Variants in USP54 observed in about 807,000 individuals in gnomAD.
USP54 encodes the protein ubiquitin carboxyl-terminal hydrolase 54.
USP54 carries 87 observed loss-of-function variants against 170.5 expected under a neutral mutation model. The ratio of observed to expected loss-of-function variants is 0.51; its 90% CI spans 0.43 to 0.61. The LOEUF (loss-of-function observed/expected upper bound fraction) is 0.61, where lower values mean the gene tolerates loss of function less well. Ranked by LOEUF, USP54 falls within the 20% of genes least tolerant of loss-of-function variation. USP54 has a pLI of 0.00. For synonymous variants in USP54, 655 were observed against 742.8 expected (o/e 0.88, Z 1.92); for missense variants, 1,786 against 2,047.8 (o/e 0.87, Z 2.47).
rs1207752649 is a variant in USP54 at position 73,609,860 on chromosome 10, A to T, written c.-18+15707T>A. ...TCCGTCACAAAAAAAAAAAAAAAAA[A>T]TTAGCTGGGTGTGGTGGCGTGCGCC... On this transcript the variant is annotated intron_variant, in intron 1 of 22. Transcript: ENST00000339859. Among the ~76,000 whole-genome samples the T allele has an allele frequency of 4.7e-5, 7 of 149,870 alleles. No homozygotes were observed. In the East Asian group the frequency reaches 1.2e-3, roughly 26 times the overall value.
chr10:73,549,244 C>G (rs965797031), intron 4 of USP54, among the ~76,000 whole-genome samples: 3 of 152,192 alleles, frequency 2.0e-5, no homozygotes. Flanking sequence ...GTGGTCTCAT[C>G]TAACATGGTT....
At chr10:73,506,497 T>A (rs2059152784) in intron 20 of USP54, 2 of 152,320 alleles carry the variant, frequency 1.3e-5, no homozygotes, top group East Asian at 1.9e-4. Context: ...CATATGTCCA[T>A]GGCCAATTCA....
At chr10:73,579,779 CA>C (rs77144291) in intron 1 of USP54, among the ~76,000 whole-genome samples, 5 of 148,696 alleles carry the variant, frequency 3.4e-5, no homozygotes, top group South Asian at 2.1e-4. Flanking sequence ...ACAACAACAA[CA>C]AAAAAAAACT....
rs1342973006 is a variant in USP54, at chr10:73,497,920, GAGT to G, written c.*706_*708del. Reference sequence around the variant, plus strand: ...AATAGGGATAGGTGGATAAAACAAAGAGTAGAAGTTGGGAGTATAGTAGGGAAC... The same window carrying G: ...AATAGGGATAGGTGGATAAAACAAAGAGAAGTTGGGAGTATAGTAGGGAAC... On this transcript the variant is annotated 3_prime_UTR_variant, in exon 24 of 24. Transcript: ENST00000687698. 1 of 152,308 alleles carries G rather than the reference GAGT, an allele frequency of 6.6e-6. No individual in the cohort carries two copies. Among genetic ancestry groups the G allele is most frequent in the Non-Finnish European group, 1.5e-5 (1 of 68,076 alleles). The allele number at this position is 152,308 out of a possible 1,614,324, so 9.4% of individuals were successfully genotyped here. A position where few individuals can be genotyped will look rare whatever the true frequency, so the allele number is the denominator to read the frequency against.
At position 73,516,665 on chromosome 10, in the gene USP54, A is replaced by T. The variant is rs1182729940; in HGVS notation, c.3761T>A (p.Leu1254Ter). 6 of 1,614,096 alleles carry T rather than the reference A, an allele frequency of 3.7e-6. No individual in the cohort carries two copies. The African/African-American group carries it at 8.0e-5, about 22-fold the overall frequency. Residue 1254 changes from leucine (L) to a stop codon, truncating the protein, a stop_gained, in exon 20 of 24, where the codon TTG (leucine) becomes TAG (stop). Coordinates refer to ENST00000687698, the MANE Select transcript of USP54 (RefSeq NM_001391956.1). LOFTEE classifies it high-confidence loss of function. ...GGAATCCAAAGGCAAGGAAGTCCCC[A>T]AGTCAGTACTGCTGCCCAGATCCTT... ...RSKDLGSSTDLGTSLPLDSWV... is the reference protein window; with the variant it reads ...RSKDLGSSTD
rs1341981263 is a variant in USP54, at chr10:73,534,772, T to A, written c.1145-2A>T. 1 of 1,613,012 alleles carries A rather than the reference T, an allele frequency of 6.2e-7. No homozygotes were observed. The highest frequency in any genetic ancestry group is 1.3e-5 in the African/African-American group (1 of 74,838). The stretch of plus-strand genomic sequence containing the variant: ...CACTTGAGATGGAGGGCTCCCTCCC[T>A]GAGAGGAGGAGGAAACACATATGCA... On this transcript the variant is annotated splice_acceptor_variant, in intron 11 of 23. Coordinates refer to ENST00000687698, the MANE Select transcript of USP54 (RefSeq NM_001391956.1). LOFTEE classifies it high-confidence loss of function.
At chr10:73,563,267 T>C (rs1169613573) in intron 4 of USP54, among the ~76,000 whole-genome samples, 1 of 151,872 alleles carries the variant, frequency 6.6e-6, no homozygotes, top group Non-Finnish European at 1.5e-5. Flanking sequence ...AACAATTTTA[T>C]CAGATTTTTA....
chr10:73,539,525 G>GT lies in USP54; in HGVS notation c.893dup (p.Tyr298Ter). ...SELYLVGMICYYGKHYSTFFF... is the reference protein window; with the variant it reads ...SELYLVGMIC ...AGAATGTAGAATAATGTTTGCCATA[G>GT]TAACAGATCATTCCAACTAAGTACA... Residue 298 changes from tyrosine to a stop codon, truncating the protein, a stop_gained and frameshift_variant, in exon 10 of 24, where the codon TAC becomes TAAC. Transcript: ENST00000687698. LOFTEE classifies it high-confidence loss of function. 1.2e-6 allele frequency: 2 copies of GT among 1,612,134 alleles called. No homozygotes were observed. Among genetic ancestry groups the GT allele is most frequent in the Non-Finnish European group, 1.7e-6 (2 of 1,178,722 alleles).
intron 4 of USP54, among the ~76,000 whole-genome samples, 197 bp from the exon 5 acceptor site, chr10:73,545,869 G>A (rs959029850): frequency 5.3e-5 from 8 of 152,160 alleles, no homozygotes; most frequent in Non-Finnish European, 8.8e-5. Flanking sequence ...TGCTAATAAA[G>A]ATCCTCACTC....
At position 73,571,508 on chromosome 10, in the gene USP54, CA is replaced by C; in HGVS notation, c.152del (p.Leu51CysfsTer79). ...TACGTCGGAAGATATCCAAGTGCCA[CA>C]AAACCTGATGAGAAAAGGAAAATAT... Reference protein sequence around the residue: ...SCFLNSALQVLWHLDIFRRSF... With the variant: ...SCFLNSALQVXWHLDIFRRSF... On this transcript the variant is annotated frameshift_variant, in exon 4 of 24. Transcript: ENST00000687698. LOFTEE classifies it high-confidence loss of function. 1 of 1,613,308 alleles carries C rather than the reference CA, an allele frequency of 6.2e-7. No homozygotes were observed. Among genetic ancestry groups the C allele is most frequent in the Non-Finnish European group, 8.5e-7 (1 of 1,179,606 alleles).
At chr10:73,611,137 G>T (rs986238606) in intron 1 of USP54, among the ~76,000 whole-genome samples, 2 of 151,962 alleles carry the variant, frequency 1.3e-5, no homozygotes, top group South Asian at 4.1e-4. Context: ...ATATGTGCCT[G>T]ATATAAGCCA....
chr10:73,521,689 C>T (rs747316289), intron 17 of USP54, among the ~76,000 whole-genome samples: 1 of 152,230 alleles, frequency 6.6e-6, no homozygotes, highest in Non-Finnish European at 1.5e-5. Context: ...CATATACATA[C>T]TTGTCATAAG....
At chr10:73,503,343 C>T (rs369550636) in intron 22 of USP54, among the ~76,000 whole-genome samples, 2 of 152,106 alleles carry the variant, frequency 1.3e-5, no homozygotes, top group South Asian at 2.1e-4. Flanking sequence ...TTTATTTATC[C>T]GTCCCTCACT....
chr10:73,594,073 G>T (rs1046091216), upstream of USP54, among the ~76,000 whole-genome samples: 1 of 151,954 alleles, frequency 6.6e-6, no homozygotes, highest in African/African-American at 2.4e-5. Flanking sequence ...GAAAATAAAA[G>T]ACTCTTTTTT....
intron 15 of USP54, chr10:73,529,429 GC>G (rs2133389264): frequency 4.0e-6 from 2 of 497,036 alleles, no homozygotes; most frequent in Non-Finnish European, 7.3e-6. Flanking sequence ...CTGCACATAT[GC>G]CCCCTGAACC....
chr10:73,603,491 G>A (rs1403614532), intron 1 of USP54, among the ~76,000 whole-genome samples: 1 of 152,192 alleles, frequency 6.6e-6, no homozygotes, highest in Non-Finnish European at 1.5e-5. Flanking sequence ...AAGGCGGGCA[G>A]ATCATTTGAG....
In USP54 at chr10:73,624,175, TA is replaced by T. The variant is rs1564974681; in HGVS notation, c.-18+1391del. Among the ~76,000 whole-genome samples the T allele has an allele frequency of 2.3e-3, 273 of 116,588 alleles. 6 individuals carry two copies. The highest frequency in any genetic ancestry group is 0.011 in the South Asian group (34 of 3,154). The allele number at this position is 116,588 out of a possible 152,430, so 76.5% of individuals were successfully genotyped here. ...TTTAAAAGCCATATATATATATATA[TA>T]TATATATATATATATATATGTATTT... On this transcript the variant is annotated intron_variant, in intron 1 of 22. Coordinates refer to the USP54 transcript ENST00000339859.
Position 73,517,731 on chromosome 10 carries a change from G to C in USP54, c.2695C>G (p.Leu899Val). The C allele has an allele frequency of 6.2e-7, 1 of 1,612,452 alleles. No individual in the cohort carries two copies. Among genetic ancestry groups the C allele is most frequent in the Admixed American group, 1.7e-5 (1 of 59,890 alleles). ...GCCTCTTGGCTTAACAATACTTGGA[G>C]CGGGATAGGCTGTTCACTGAAACAA... ...SQPTSEQPIP[L>V]QVLLSQEAQL... The change falls in exon 20 of 24, where the codon CTC (leucine) becomes GTC (valine). Residue 899 changes from leucine to valine, a missense_variant. Physicochemically the swap from Leu to Val is conservative, Grantham distance 32. Transcript: ENST00000687698.
chr10:73,543,190 T>C, intron 5 of USP54, 59 bp from the exon 6 acceptor site: 1 of 1,245,542 alleles, frequency 8.0e-7, no homozygotes, highest in Non-Finnish European at 1.2e-6. Flanking sequence ...AATACATAAA[T>C]TGGTAAGCAG....
Sources: allele counts gnomAD v4.1 joint callset (sites outside exome capture counted in the v4.1 genomes callset), GRCh38; gene constraint gnomAD v4.1.1; transcripts MANE v1.5; gene names NCBI Gene and HGNC (gene_info 2026-07-23, HGNC 2026-07-21).